The following PRKD1 variants were observed in gnomAD, a reference collection of about 807,000 sequenced individuals.
The protein encoded by PRKD1 is protein kinase D1, also known as serine/threonine-protein kinase D1.
PRKD1 carries 63 observed loss-of-function variants against 95.9 expected under a neutral mutation model. The observed-to-expected ratio is 0.66, with a 90% CI of 0.54 to 0.81. PRKD1 has a LOEUF of 0.81. Among genes scored for constraint, PRKD1 ranks in the 30% least tolerant of loss-of-function variants. The pLI is 0.00. For missense variants in PRKD1, 1,048 were observed against 1,165.3 expected, an observed-to-expected ratio of 0.90 and a Z score of 1.47; for synonymous variants, 425 against 423.1, an observed-to-expected ratio of 1.00 and a Z score of -0.05.
chr14:29,577,417 T>C lies in PRKD1; in HGVS notation c.2560A>G (p.Lys854Glu). Residue 854 changes from lysine (K) to glutamate (E), a missense_variant, in exon 18 of 18, where the codon AAA (lysine) becomes GAA (glutamate). Transcript: ENST00000331968. ...TGGGTGATGTAGCGCTCCCCGATTT[T>C]GCATTCCAGCTCTCGCAAATCTAAC... ...TWLDLRELEC[K>E]IGERYITHES... 1 of 1,613,818 alleles carries C rather than the reference T, an allele frequency of 6.2e-7. No individual in the cohort carries two copies.
intron 2 of PRKD1, among the ~76,000 whole-genome samples, chr14:29,691,250 C>T (rs910363689): frequency 1.3e-5 from 2 of 152,174 alleles, no homozygotes; most frequent in Non-Finnish European, 2.9e-5. Flanking sequence ...GAACACCAGG[C>T]CAGTTCCCAT....
At chr14:29,921,794 C>T (rs1005538113) in intron 1 of PRKD1, among the ~76,000 whole-genome samples, 1 of 151,888 alleles carries the variant, frequency 6.6e-6, no homozygotes, top group Admixed American at 6.6e-5. Flanking sequence ...TCCAGTAACC[C>T]CCACCACCAC....
chr14:29,868,493 G>C (rs1892988755), intron 1 of PRKD1, among the ~76,000 whole-genome samples: 1 of 152,170 alleles, frequency 6.6e-6, no homozygotes, highest in African/African-American at 2.4e-5. Flanking sequence ...CTGTAAAGAA[G>C]TCTGTATGAA....
rs368316850 is a variant in PRKD1, at chr14:29,892,544, T to C, written c.264+34705A>G. 9.3e-4 allele frequency among the ~76,000 whole-genome samples: 142 copies of C among 152,264 alleles called. 3 individuals are homozygous for C. The highest frequency in any genetic ancestry group is 3.3e-3 in the African/African-American group (137 of 41,564). On this transcript the variant is annotated intron_variant, in intron 1 of 17. Coordinates refer to ENST00000331968, the MANE Select transcript of PRKD1 (RefSeq NM_002742.3). ...TAAAAGTCTTACACAAATTACCTTC[T>C]TTTCAGTGCCAAGAATGACATAATG...
intron 1 of PRKD1, among the ~76,000 whole-genome samples, chr14:29,833,353 C>T (rs1225188827): frequency 6.6e-6 from 1 of 152,050 alleles, no homozygotes; most frequent in South Asian, 2.1e-4. Context: ...AAATGATTGT[C>T]GAAATTCTAT....
At chr14:29,642,757 AT>A (rs1451650193) in intron 4 of PRKD1, among the ~76,000 whole-genome samples, 1 of 152,314 alleles carries the variant, frequency 6.6e-6, no homozygotes, top group Admixed American at 6.5e-5. Context: ...AAAGCTAACT[AT>A]AATAAAGTGA....
chr14:29,743,627 C>G (rs908284626), intron 1 of PRKD1, among the ~76,000 whole-genome samples: 3 of 152,194 alleles, frequency 2.0e-5, no homozygotes, highest in African/African-American at 4.8e-5. Context: ...ATATATTGCA[C>G]TTCAGATTCC....
intron 13 of PRKD1, among the ~76,000 whole-genome samples, chr14:29,611,855 T>A (rs560767732): frequency 6.6e-6 from 1 of 152,150 alleles, no homozygotes; most frequent in South Asian, 2.1e-4. Flanking sequence ...GCATCAAATG[T>A]CTGGAAATGA....
chr14:29,922,181 G>A (rs1462893524), intron 1 of PRKD1, among the ~76,000 whole-genome samples: 1 of 151,780 alleles, frequency 6.6e-6, no homozygotes, highest in Admixed American at 6.6e-5. Context: ...GGCGCCTGTA[G>A]TCCCAGCTAC....
At chr14:29,872,133 A>G (rs931872636) in intron 1 of PRKD1, among the ~76,000 whole-genome samples, 5 of 152,198 alleles carry the variant, frequency 3.3e-5, no homozygotes, top group African/African-American at 1.2e-4. Flanking sequence ...AAACTGTTAG[A>G]TTGACAGAAC....
At chr14:29,637,242 G>A (rs1253344374) in intron 6 of PRKD1, among the ~76,000 whole-genome samples, 1 of 152,174 alleles carries the variant, frequency 6.6e-6, no homozygotes, top group Non-Finnish European at 1.5e-5. Context: ...CTTACTATTG[G>A]AGTAACTTTG....
intron 1 of PRKD1, among the ~76,000 whole-genome samples, chr14:29,888,015 A>G (rs907337960): frequency 1.1e-4 from 16 of 152,236 alleles, no homozygotes; most frequent in African/African-American, 3.4e-4. Context: ...TAAATGCCAT[A>G]TGAGGCTGGG....
rs1886105296 is a variant in PRKD1, at chr14:29,725,658, A to G, written c.281T>C (p.Phe94Ser). ...CAGGATCTTATCATACATTCCGTAG[A>G]AACCACATTCAGGGAACTGCAAATA... is the stretch of plus-strand genomic sequence containing the variant. ...IVDQKFPECGFYGMYDKILLF... is the reference protein window; with the variant it reads ...IVDQKFPECGSYGMYDKILLF... The change falls in exon 2 of 18, where the codon TTC becomes TCC. Residue 94 changes from phenylalanine (F) to serine (S), a missense_variant. Phe to Ser is a radical substitution (Grantham distance 155). This residue lies in a region of PRKD1 where 275 missense variants were observed against 248.6 expected (regional missense o/e 1.11). Transcript: ENST00000331968. 1 of 1,613,468 alleles carries G rather than the reference A, an allele frequency of 6.2e-7. No individual in the cohort carries two copies. The highest frequency in any genetic ancestry group is 1.7e-5 in the Admixed American group (1 of 59,924).
chr14:29,730,414 G>A (rs913617075), intron 1 of PRKD1, among the ~76,000 whole-genome samples: 1 of 152,036 alleles, frequency 6.6e-6, no homozygotes, highest in African/African-American at 2.4e-5. Context: ...TGTACACTCT[G>A]GGGAATGCAA....
chr14:29,865,257 C>CCAACACAACAGAACACAACACAACA (rs1892851997), intron 1 of PRKD1, among the ~76,000 whole-genome samples: 1 of 152,130 alleles, frequency 6.6e-6, no homozygotes, highest in African/African-American at 2.4e-5. Context: ...CCTCTAGTCT[C>CCAACACAACAGAACACAACACAACA]CAACACAACA....
At chr14:29,684,850 A>G (rs924023578) in intron 2 of PRKD1, among the ~76,000 whole-genome samples, 1 of 152,218 alleles carries the variant, frequency 6.6e-6, no homozygotes, top group African/African-American at 2.4e-5. Flanking sequence ...AAATTAAGGC[A>G]TGCAATTTTT....
At chr14:29,870,808 T>C (rs971296035) in intron 1 of PRKD1, among the ~76,000 whole-genome samples, 1 of 152,188 alleles carries the variant, frequency 6.6e-6, no homozygotes, top group Non-Finnish European at 1.5e-5. Flanking sequence ...AGAGATCATG[T>C]TTATATTGTT....
At chr14:29,872,392 G>A (rs1374467630) in intron 1 of PRKD1, among the ~76,000 whole-genome samples, 1 of 151,902 alleles carries the variant, frequency 6.6e-6, no homozygotes, top group African/African-American at 2.4e-5. Context: ...ACCAGGTGGG[G>A]TGGCTCACGC....
chr14:29,715,886 A>C (rs1195057954), intron 2 of PRKD1, among the ~76,000 whole-genome samples: 1 of 152,194 alleles, frequency 6.6e-6, no homozygotes, highest in Non-Finnish European at 1.5e-5. Flanking sequence ...TAAATAAGCC[A>C]CATGCGTTTT....
Sources: allele counts gnomAD v4.1 joint callset (sites outside exome capture counted in the v4.1 genomes callset), GRCh38; gene constraint gnomAD v4.1.1; regional missense constraint gnomAD v4.1.1; transcripts MANE v1.5; gene names NCBI Gene and HGNC (gene_info 2026-07-23, HGNC 2026-07-21).